The following CLVS1 variants were observed in gnomAD, a reference collection of about 807,000 sequenced individuals.
CLVS1 encodes clavesin 1.
A neutral mutation model predicts 33.1 loss-of-function variants in CLVS1; 10 were observed. That is an observed-to-expected ratio of 0.30 (90% CI 0.19 to 0.51). The LOEUF (loss-of-function observed/expected upper bound fraction) is 0.51. Ranked by LOEUF, CLVS1 falls within the 20% of genes least tolerant of loss-of-function variation. The pLI, the probability that CLVS1 is intolerant of heterozygous loss-of-function variation, is 0.97. For missense variants in CLVS1, 343 were observed against 433.4 expected, an observed-to-expected ratio of 0.79 and a Z score of 1.85; for synonymous variants, 163 against 166.1, an observed-to-expected ratio of 0.98 and a Z score of 0.14.
intron 3 of CLVS1, among the ~76,000 whole-genome samples, chr8:61,415,367 A>G (rs1305399576): frequency 6.6e-6 from 1 of 152,236 alleles, no homozygotes; most frequent in Admixed American, 6.5e-5. Flanking sequence ...TACTGCTGTC[A>G]CAATCCCAAT....
chr8:61,021,355 G>T, the CLVS1 span, among the ~76,000 whole-genome samples: 1 of 152,022 alleles, frequency 6.6e-6, no homozygotes, highest in South Asian at 2.1e-4. Flanking sequence ...TTGTTTGTTT[G>T]TTTGTTTGTT....
At chr8:61,245,237 T>G (rs1808781744) in intron 2 of CLVS1, among the ~76,000 whole-genome samples, 1 of 152,118 alleles carries the variant, frequency 6.6e-6, no homozygotes, top group Non-Finnish European at 1.5e-5. Flanking sequence ...TCTTGCTCTG[T>G]TGGTAGGTGA....
At chr8:61,428,302 T>C (rs1055675418) in intron 3 of CLVS1, among the ~76,000 whole-genome samples, 5 of 152,204 alleles carry the variant, frequency 3.3e-5, no homozygotes, top group Non-Finnish European at 5.9e-5. Context: ...TATTGACATG[T>C]GTCAACTGTG....
intron 3 of CLVS1, among the ~76,000 whole-genome samples, chr8:61,420,294 A>C (rs1193004282): frequency 2.0e-5 from 3 of 152,172 alleles, no homozygotes; most frequent in African/African-American, 7.2e-5. Context: ...AGGTTGAAAA[A>C]CAAGCCTTTA....
chr8:61,278,971 A>G (rs2129593088), intron 2 of CLVS1, among the ~76,000 whole-genome samples: 1 of 152,304 alleles, frequency 6.6e-6, no homozygotes, highest in East Asian at 1.9e-4. Flanking sequence ...ACAGGCTGGC[A>G]CCACCTGCAT....
the CLVS1 span, among the ~76,000 whole-genome samples, chr8:61,027,859 A>G: frequency 6.6e-6 from 1 of 152,208 alleles, no homozygotes; most frequent in Non-Finnish European, 1.5e-5. Flanking sequence ...TAAGAATATC[A>G]TTTTCCTCAA....
chr8:61,050,862 A>G, the CLVS1 span, among the ~76,000 whole-genome samples: 1 of 152,214 alleles, frequency 6.6e-6, no homozygotes, highest in East Asian at 1.9e-4. Context: ...ATTTCTGTCA[A>G]CTGAAAAGGC....
At chr8:61,458,870 A>G (rs974953778) in intron 5 of CLVS1, among the ~76,000 whole-genome samples, 1 of 152,208 alleles carries the variant, frequency 6.6e-6, no homozygotes, top group Non-Finnish European at 1.5e-5. Context: ...TGGAAAAACA[A>G]CCTGCTAAAA....
chr8:61,236,838 G>A lies in CLVS1; in HGVS notation c.-151-62839G>A, dbSNP rs112387529. Among the ~76,000 whole-genome samples the A allele has an allele frequency of 4.1e-4, 62 of 152,290 alleles. 1 individual carries two copies. Among genetic ancestry groups the A allele is most frequent in the African/African-American group, 1.4e-3 (60 of 41,556 alleles). ...CGCTTCCCCAGGTCACAGAGCTGGC[G>A]CAGGGAATTAGCTCCAATGGAAGAG... On this transcript the variant is annotated intron_variant, in intron 2 of 2. Coordinates refer to the CLVS1 transcript ENST00000522621.
chr8:61,330,489 G>A (rs1029665682), intron 2 of CLVS1, among the ~76,000 whole-genome samples: 6 of 152,134 alleles, frequency 3.9e-5, no homozygotes, highest in Non-Finnish European at 8.8e-5. Flanking sequence ...CTCCTTACCC[G>A]GCCTTCCAAT....
At chr8:61,194,152 C>T (rs1032543305) in intron 2 of CLVS1, among the ~76,000 whole-genome samples, 1 of 151,944 alleles carries the variant, frequency 6.6e-6, no homozygotes, top group African/African-American at 2.4e-5. Flanking sequence ...CATGATAAAG[C>T]AAACACCACA....
chr8:61,085,748 A>G (rs567624152), intron 1 of CLVS1, among the ~76,000 whole-genome samples: 6 of 147,092 alleles, frequency 4.1e-5, no homozygotes, highest in African/African-American at 1.3e-4. Context: ...AAAAAAGGGC[A>G]CAGTGGCTCA....
intron 2 of CLVS1, among the ~76,000 whole-genome samples, chr8:61,243,458 A>T (rs2129314641): frequency 6.6e-6 from 1 of 152,256 alleles, no homozygotes; most frequent in Non-Finnish European, 1.5e-5. Context: ...CAGGCTCCCC[A>T]TCTGGTTTCT....
rs1412369502 is a variant in CLVS1, at chr8:61,437,307, G to A, written c.631-16834G>A. Reference sequence around the variant, plus strand: ...AGGGGTGGAACTGTACTGTGAACAAGGGTTATTTTATTATGCAAATAAAGT... The same window carrying A: ...AGGGGTGGAACTGTACTGTGAACAAAGGTTATTTTATTATGCAAATAAAGT... On this transcript the variant is annotated intron_variant, in intron 3 of 5. Transcript: ENST00000325897. Among the ~76,000 whole-genome samples, 9 of 152,300 alleles carry A rather than the reference G, an allele frequency of 5.9e-5. No individual in the cohort carries two copies. In the East Asian group the frequency reaches 1.7e-3, roughly 29 times the overall value.
Position 61,500,811 on chromosome 8 carries a change from A to AAAT in CLVS1, c.*1271_*1273dup, listed in dbSNP as rs1484894152. ...ATATTTTAGTTAATAATGGGCAGTA[A>AAAT]AATATGATTTTACATTATTTTAAAT... On this transcript the variant is annotated 3_prime_UTR_variant, in exon 6 of 6. Coordinates refer to ENST00000325897, the MANE Select transcript of CLVS1 (RefSeq NM_173519.3). 2.0e-5 allele frequency: 3 copies of AAAT among 152,204 alleles called. No homozygotes were observed. The highest frequency in any genetic ancestry group is 4.1e-4 in the South Asian group (2 of 4,834). The allele number at this position is 152,204 out of a possible 1,614,324, so 9.4% of individuals were successfully genotyped here.
chr8:61,098,402 G>GATATATATATATAT (rs59671943), intron 1 of CLVS1, among the ~76,000 whole-genome samples: 22 of 143,982 alleles, frequency 1.5e-4, no homozygotes, highest in African/African-American at 5.4e-4. Context: ...TAGGGAAACT[G>GATATATATATATAT]ATATATATAT....
chr8:61,065,334 C>T (rs1005313804), intron 1 of CLVS1, among the ~76,000 whole-genome samples: 2 of 152,152 alleles, frequency 1.3e-5, no homozygotes, highest in African/African-American at 4.8e-5. Flanking sequence ...CAGATACAAT[C>T]ATCTTTTTTT....
chr8:60,985,378 C>T, the CLVS1 span, among the ~76,000 whole-genome samples: 1 of 151,964 alleles, frequency 6.6e-6, no homozygotes, highest in East Asian at 1.9e-4. Context: ...AGCCTGAGAG[C>T]TCCACCTTGA....
At chr8:61,032,494 C>G in the CLVS1 span, among the ~76,000 whole-genome samples, 1 of 152,158 alleles carries the variant, frequency 6.6e-6, no homozygotes, top group Non-Finnish European at 1.5e-5. Flanking sequence ...TGTAAAGCAG[C>G]CCAGCCCTAA....
Sources: gnomAD v4.1 joint callset for allele counts (sites outside exome capture counted in the v4.1 genomes callset) on GRCh38, gnomAD v4.1.1 for gene constraint, MANE v1.5 for transcripts, NCBI Gene and HGNC (gene_info 2026-07-23, HGNC 2026-07-21) for gene names.